Variants in GABRB1 observed in about 807,000 individuals in gnomAD.
GABRB1 encodes gamma-aminobutyric acid receptor subunit beta-1.
GABRB1 carries 17 observed loss-of-function variants against 51.6 expected under a neutral mutation model. The observed-to-expected ratio is 0.33, with a 90% CI of 0.23 to 0.49. The LOEUF (loss-of-function observed/expected upper bound fraction) is 0.49. GABRB1 is among the 20% of genes least tolerant of loss of function. The pLI is 0.99. For synonymous variants in GABRB1, 247 were observed against 218.9 expected (o/e 1.13, Z -1.14); for missense variants, 410 against 600.6 (o/e 0.68, Z 3.32).
At chr4:47,066,992 C>T (rs987136139) in intron 3 of GABRB1, among the ~76,000 whole-genome samples, 67 of 152,266 alleles carry the variant, frequency 4.4e-4, no homozygotes, top group African/African-American at 1.5e-3. Context: ...TGGAATTACT[C>T]CTCGAATGAA....
intron 5 of GABRB1, among the ~76,000 whole-genome samples, chr4:47,335,933 A>G (rs1303359828): frequency 2.0e-5 from 3 of 152,132 alleles, no homozygotes; most frequent in Admixed American, 2.0e-4. Flanking sequence ...ATGACACTGG[A>G]CACCAGCTCT....
At position 47,258,202 on chromosome 4, in the gene GABRB1, G is replaced by A. The variant is rs548734148; in HGVS notation, c.462-61925G>A. Reference sequence around the variant, plus strand: ...ACATATACAGTTATATGTAACTAAAGTTAAAGTACATAAAATCATCAGAAA... The same window carrying A: ...ACATATACAGTTATATGTAACTAAAATTAAAGTACATAAAATCATCAGAAA... On this transcript the variant is annotated intron_variant, in intron 4 of 8. Coordinates refer to ENST00000295454, the MANE Select transcript of GABRB1 (RefSeq NM_000812.4). Among the ~76,000 whole-genome samples, 18 of 152,144 alleles carry A rather than the reference G, an allele frequency of 1.2e-4. No homozygotes were observed. In the South Asian group the frequency reaches 3.7e-3, roughly 32 times the overall value.
chr4:47,210,972 C>T lies in GABRB1; in HGVS notation c.461+49503C>T, dbSNP rs530152328. Reference sequence around the variant, plus strand: ...AAAACAAAGACATTCTGAGAAAAGCCCAGAGACATGCAGCAAAGAGCTAAG... The same window carrying T: ...AAAACAAAGACATTCTGAGAAAAGCTCAGAGACATGCAGCAAAGAGCTAAG... On this transcript the variant is annotated intron_variant, in intron 4 of 8. Transcript: ENST00000295454. 3.9e-5 allele frequency among the ~76,000 whole-genome samples: 6 copies of T among 152,184 alleles called. No individual in the cohort carries two copies. In the East Asian group the frequency reaches 5.8e-4, roughly 15 times the overall value.
upstream of GABRB1, among the ~76,000 whole-genome samples, chr4:47,029,015 G>T (rs1288000934): frequency 2.0e-5 from 3 of 151,396 alleles, no homozygotes; most frequent in Non-Finnish European, 4.4e-5. Flanking sequence ...TTACTTCTGG[G>T]ATTTGTCAGT....
At chr4:47,128,735 C>A (rs527521826) in intron 3 of GABRB1, among the ~76,000 whole-genome samples, 1 of 152,010 alleles carries the variant, frequency 6.6e-6, no homozygotes, top group Admixed American at 6.5e-5. Flanking sequence ...GGGACAAAGA[C>A]CTTTATTTTC....
chr4:47,222,621 A>T (rs1426852457), intron 4 of GABRB1, among the ~76,000 whole-genome samples: 6 of 152,132 alleles, frequency 3.9e-5, no homozygotes, highest in Non-Finnish European at 8.8e-5. Flanking sequence ...ACCTAGCCAT[A>T]GCCAAGGCAC....
At chr4:47,259,978 A>G (rs1338795134) in intron 4 of GABRB1, among the ~76,000 whole-genome samples, 1 of 128,290 alleles carries the variant, frequency 7.8e-6, no homozygotes, top group East Asian at 2.4e-4. Flanking sequence ...TTTGTAGGTC[A>G]CTAAGGACTT....
chr4:47,204,905 A>T (rs1033728530), intron 4 of GABRB1, among the ~76,000 whole-genome samples: 1 of 152,172 alleles, frequency 6.6e-6, no homozygotes, highest in Admixed American at 6.6e-5. Context: ...ACCCATCAAG[A>T]AAACTATTCA....
intron 5 of GABRB1, among the ~76,000 whole-genome samples, chr4:47,366,646 A>G (rs954035059): frequency 2.6e-5 from 4 of 152,042 alleles, no homozygotes; most frequent in African/African-American, 9.7e-5. Flanking sequence ...AAAAAATCTC[A>G]ACATTATCCC....
intron 3 of GABRB1, among the ~76,000 whole-genome samples, chr4:47,105,455 C>A (rs923360642): frequency 2.0e-5 from 3 of 152,068 alleles, no homozygotes; most frequent in Non-Finnish European, 4.4e-5. Context: ...TAGGCAGGTG[C>A]TTGCTTTGGT....
At chr4:47,366,155 T>C (rs1409292027) in intron 5 of GABRB1, among the ~76,000 whole-genome samples, 4 of 152,184 alleles carry the variant, frequency 2.6e-5, no homozygotes, top group Admixed American at 6.5e-5. Flanking sequence ...CCAGGTCTCA[T>C]AAAGCTATTG....
intron 5 of GABRB1, among the ~76,000 whole-genome samples, chr4:47,386,709 C>T (rs1253623454): frequency 6.6e-6 from 1 of 152,020 alleles, no homozygotes; most frequent in African/African-American, 2.4e-5. Context: ...GAATGAAATA[C>T]ATCATTCCAT....
intron 5 of GABRB1, among the ~76,000 whole-genome samples, chr4:47,387,885 A>G (rs1727854802): frequency 6.6e-6 from 1 of 152,198 alleles, no homozygotes; most frequent in African/African-American, 2.4e-5. Context: ...AAAGTCAGGA[A>G]GGGCCACAAT....
chr4:47,183,457 T>A (rs540245674), intron 4 of GABRB1, among the ~76,000 whole-genome samples: 2 of 150,968 alleles, frequency 1.3e-5, no homozygotes, highest in African/African-American at 4.8e-5. Flanking sequence ...TCTTGATTCA[T>A]ATTTGGTACT....
chr4:47,337,631 G>C (rs1725745262), intron 5 of GABRB1, among the ~76,000 whole-genome samples: 1 of 151,522 alleles, frequency 6.6e-6, no homozygotes, highest in East Asian at 1.9e-4. Flanking sequence ...AGGTTTAGTA[G>C]AAACCCCGCC....
At chr4:47,254,526 C>T (rs1043523390) in intron 4 of GABRB1, among the ~76,000 whole-genome samples, 1 of 151,568 alleles carries the variant, frequency 6.6e-6, no homozygotes, top group Non-Finnish European at 1.5e-5. Flanking sequence ...CCACCATGCC[C>T]GGCTGATTTG....
In GABRB1 at chr4:47,031,682, G is replaced by C; in HGVS notation, c.31G>C (p.Gly11Arg). 1 of 1,613,786 alleles carries C rather than the reference G, an allele frequency of 6.2e-7. No homozygotes were observed. Among genetic ancestry groups the C allele is most frequent in the Non-Finnish European group, 8.5e-7 (1 of 1,179,704 alleles). Residue 11 changes from glycine (G) to arginine (R), a missense_variant, in exon 1 of 9, where the codon GGG (glycine) becomes CGG (arginine). By Grantham distance (125) the Gly-to-Arg change is moderately radical (BLOSUM62 -2). Transcript: ENST00000295454. Reference sequence around the variant, plus strand: ...GACAGTACAAAATCGAGAGAGTCTGGGGCTTCTCTCTTTCCCTGTGATGAT... The same window carrying C: ...GACAGTACAAAATCGAGAGAGTCTGCGGCTTCTCTCTTTCCCTGTGATGAT... MWTVQNRESL[G>R]LLSFPVMITM... is the part of the protein sequence containing the mutation.
chr4:47,044,191 A>G (rs551827691), intron 3 of GABRB1, among the ~76,000 whole-genome samples: 3 of 152,168 alleles, frequency 2.0e-5, no homozygotes, highest in African/African-American at 7.2e-5. Flanking sequence ...CTCTAACTCC[A>G]TTCTCTGCTT....
intron 1 of GABRB1, among the ~76,000 whole-genome samples, chr4:47,017,481 T>A (rs1338406982): frequency 6.6e-6 from 1 of 152,238 alleles, no homozygotes; most frequent in Non-Finnish European, 1.5e-5. Flanking sequence ...CTTTGAGAAT[T>A]GTACTATGAC....
Sources: gnomAD v4.1 joint callset for allele counts (sites outside exome capture counted in the v4.1 genomes callset) on GRCh38, gnomAD v4.1.1 for gene constraint, MANE v1.5 for transcripts, NCBI Gene and HGNC (gene_info 2026-07-23, HGNC 2026-07-21) for gene names.